Variants in MTA3 observed in about 807,000 individuals in gnomAD.
MTA3 encodes metastasis-associated protein MTA3.
In MTA3, 34 loss-of-function variants were observed where a neutral mutation model predicts 83.5. The observed-to-expected ratio is 0.41, with a 90% CI of 0.31 to 0.54. The LOEUF (loss-of-function observed/expected upper bound fraction) is 0.54, where lower values mean the gene tolerates loss of function less well. MTA3 is among the 20% of genes least tolerant of loss of function. The pLI, the probability that MTA3 is intolerant of heterozygous loss-of-function variation, is 0.33. For missense variants in MTA3, 761 were observed against 726.4 expected (o/e 1.05, Z -0.55); for synonymous variants, 303 against 252.7 (o/e 1.20, Z -1.89).
chr2:42,732,653 G>T (rs1287103184), intron 16 of MTA3, among the ~76,000 whole-genome samples: 1 of 152,136 alleles, frequency 6.6e-6, no homozygotes, highest in Non-Finnish European at 1.5e-5. Context: ...CCAGAAAATG[G>T]GTTTTTCTTT....
intron 2 of MTA3, among the ~76,000 whole-genome samples, chr2:42,531,746 C>G (rs993475241): frequency 7.9e-5 from 12 of 151,648 alleles, no homozygotes; most frequent in African/African-American, 2.7e-4. Flanking sequence ...CCACTGGGCC[C>G]GGCCAAAATC....
chr2:42,612,108 A>G (rs1180322554), intron 4 of MTA3, among the ~76,000 whole-genome samples: 1 of 152,228 alleles, frequency 6.6e-6, no homozygotes, highest in Non-Finnish European at 1.5e-5. Flanking sequence ...ATGCTTTTTC[A>G]AGAAAGAAAA....
Position 42,753,503 on chromosome 2 carries a change from T to C in MTA3, c.*104T>C. On this transcript the variant is annotated 3_prime_UTR_variant, in exon 17 of 17. Coordinates refer to ENST00000405094, the MANE Select transcript of MTA3 (RefSeq NM_001330442.2). Reference sequence around the variant, plus strand: ...CAGCCCCACTCCCAGTACATTTCAGTGGGAGACCTCTGCGTGCATCCATGG... The same window carrying C: ...CAGCCCCACTCCCAGTACATTTCAGCGGGAGACCTCTGCGTGCATCCATGG... 6 of 1,538,530 alleles carry C rather than the reference T, an allele frequency of 3.9e-6. No homozygotes were observed. The South Asian group carries it at 7.2e-5, about 19-fold the overall frequency.
intron 14 of MTA3, among the ~76,000 whole-genome samples, chr2:42,713,192 A>T (rs920059819): frequency 1.3e-5 from 2 of 152,164 alleles, no homozygotes; most frequent in Non-Finnish European, 2.9e-5. Flanking sequence ...AACATACCAG[A>T]CTTGAATGGG....
At chr2:42,581,548 CT>C (rs200463680) in intron 3 of MTA3, among the ~76,000 whole-genome samples, 438 of 137,608 alleles carry the variant, frequency 3.2e-3, no homozygotes, top group Non-Finnish European at 3.1e-3. Context: ...AATTAAAAAA[CT>C]TTTTTTTTTT....
chr2:42,526,531 C>G (rs976610021), intron 2 of MTA3, among the ~76,000 whole-genome samples: 3 of 152,190 alleles, frequency 2.0e-5, no homozygotes, highest in African/African-American at 7.2e-5. Context: ...ATGTCAACAT[C>G]CACCGTCATC....
chr2:42,743,159 G>C (rs187078532), intron 16 of MTA3, among the ~76,000 whole-genome samples: 3 of 152,318 alleles, frequency 2.0e-5, no homozygotes, highest in African/African-American at 7.2e-5. Context: ...CAGATGGGCT[G>C]TACAGGCCTC....
intron 1 of MTA3, 26 bp downstream of exon 1, chr2:42,568,799 C>T: frequency 8.2e-7 from 1 of 1,215,516 alleles, no homozygotes; most frequent in Non-Finnish European, 1.0e-6. Context: ...CCGACCCGGC[C>T]CGTGTGGGAG....
chr2:42,735,584 C>T (rs1248578579), intron 16 of MTA3, among the ~76,000 whole-genome samples: 1 of 152,116 alleles, frequency 6.6e-6, no homozygotes, highest in African/African-American at 2.4e-5. Flanking sequence ...TCTTTAAGAA[C>T]AATAACTTTT....
At chr2:42,568,542 C>T (rs2103817740), upstream of MTA3, 1 of 293,274 alleles carries the variant, frequency 3.4e-6, no homozygotes, top group Non-Finnish European at 6.0e-6. Context: ...TAGCCTGGCG[C>T]TGGGGGCGGG....
chr2:42,610,367 C>A (rs1007743535), intron 4 of MTA3, among the ~76,000 whole-genome samples: 1 of 152,084 alleles, frequency 6.6e-6, no homozygotes, highest in African/African-American at 2.4e-5. Context: ...ACTTTATATT[C>A]TTTACTATTC....
intron 2 of MTA3, among the ~76,000 whole-genome samples, chr2:42,536,224 A>G (rs1179615678): frequency 6.6e-6 from 1 of 151,992 alleles, no homozygotes; most frequent in Non-Finnish European, 1.5e-5. Flanking sequence ...CTGTAATCCC[A>G]GCACTTTGGG....
intron 2 of MTA3, among the ~76,000 whole-genome samples, chr2:42,502,389 G>A (rs1168086072): frequency 6.6e-6 from 1 of 152,144 alleles, no homozygotes; most frequent in Admixed American, 6.6e-5. Flanking sequence ...GTTTGGTGGA[G>A]GTACGGGTTT....
chr2:42,667,655 G>GTC (rs1439047531), intron 8 of MTA3, among the ~76,000 whole-genome samples: 1 of 128,646 alleles, frequency 7.8e-6, no homozygotes, highest in Non-Finnish European at 1.6e-5. Context: ...GAGAGAGAGA[G>GTC]AGTCAGTCTT....
intron 3 of MTA3, among the ~76,000 whole-genome samples, chr2:42,584,539 C>G (rs568227083): frequency 4.0e-5 from 6 of 151,596 alleles, no homozygotes; most frequent in Non-Finnish European, 7.4e-5. Context: ...TTGGAGACTT[C>G]AGTGTATTTT....
At chr2:42,574,603 A>AT (rs1319851085) in intron 2 of MTA3, among the ~76,000 whole-genome samples, 5 of 150,404 alleles carry the variant, frequency 3.3e-5, no homozygotes, top group East Asian at 2.0e-4. Flanking sequence ...CACCCAGCTA[A>AT]TTTTTTTGTA....
intron 2 of MTA3, among the ~76,000 whole-genome samples, chr2:42,537,787 A>C (rs951972965): frequency 6.6e-6 from 1 of 152,168 alleles, no homozygotes; most frequent in African/African-American, 2.4e-5. Flanking sequence ...GGATGAAACT[A>C]TGGAATGTTG....
intron 2 of MTA3, among the ~76,000 whole-genome samples, chr2:42,529,665 G>C (rs142970583): frequency 1.8e-3 from 280 of 152,320 alleles, no homozygotes; most frequent in African/African-American, 6.5e-3. Context: ...AGCGGTGTGA[G>C]ACAGGCAATG....
At chr2:42,733,632 G>A (rs1418427563) in intron 16 of MTA3, among the ~76,000 whole-genome samples, 2 of 152,124 alleles carry the variant, frequency 1.3e-5, no homozygotes, top group Admixed American at 1.3e-4. Flanking sequence ...GGTCATTCAG[G>A]AGCATATTGT....
Sources: gnomAD v4.1 joint callset for allele counts (sites outside exome capture counted in the v4.1 genomes callset) on GRCh38, gnomAD v4.1.1 for gene constraint, MANE v1.5 for transcripts, NCBI Gene and HGNC (gene_info 2026-07-23, HGNC 2026-07-21) for gene names.